The following RAD17 variants were observed in gnomAD, a reference collection of about 807,000 sequenced individuals.
RAD17 encodes RAD17 checkpoint clamp loader component.
A neutral mutation model predicts 81.5 loss-of-function variants in RAD17; 31 were observed. The observed-to-expected ratio is 0.38, with a 90% CI of 0.29 to 0.51. The LOEUF is 0.51. RAD17 is among the 20% of genes least tolerant of loss of function. The pLI, the probability that RAD17 is intolerant of heterozygous loss-of-function variation, is 0.88. For synonymous variants in RAD17, 261 were observed against 266.2 expected (o/e 0.98, Z 0.19); for missense variants, 681 against 781.2 (o/e 0.87, Z 1.53).
rs1561233546 is a variant in RAD17, at chr5:69,373,817, C to T, written c.10-13C>T. ...AAATGTGATTATATTTACATGATTT[C>T]TTTTTTTTTCAGGTAACAGACTGGG... On this transcript the variant is annotated splice_polypyrimidine_tract_variant and intron_variant, in intron 4 of 18. Transcript: ENST00000354868. 6.7e-7 allele frequency: 1 copy of T among 1,485,912 alleles called. No homozygotes were observed. 92.0% of individuals were successfully genotyped at this position (1,485,912 alleles called of 1,614,324 possible). A position where few individuals can be genotyped will look rare whatever the true frequency, so the allele number is the denominator to read the frequency against.
chr5:69,410,406 G>A, intron 17 of RAD17, 87 bp from the exon 18 acceptor site: 1 of 975,476 alleles, frequency 1.0e-6, no homozygotes, highest in South Asian at 1.4e-5. Context: ...AAAGATTAGT[G>A]ATGTTCAGCA....
rs769241369 is a variant in RAD17 at position 69,384,898 on chromosome 5, G to A, written c.610G>A (p.Asp204Asn). ...KYNKLQMLGD[D>N]LRTDKKIILV... ...TAACAAGTTACAAATGCTTGGAGAT[G>A]ATCTGAGAACTGATAAGAAGATAAT... Residue 204 changes from aspartate (D) to asparagine (N), a missense_variant, in exon 8 of 19, where the codon GAT becomes AAT. Physicochemically the swap from Asp to Asn is conservative, Grantham distance 23. Coordinates refer to ENST00000354868, the MANE Select transcript of RAD17 (RefSeq NM_133338.3). The A allele has an allele frequency of 9.3e-6, 15 of 1,607,732 alleles. No individual in the cohort carries two copies. The highest frequency in any genetic ancestry group is 1.7e-5 in the Admixed American group (1 of 59,740).
chr5:69,402,437 G>A (rs539044945), intron 17 of RAD17, among the ~76,000 whole-genome samples: 15 of 152,066 alleles, frequency 9.9e-5, no homozygotes, highest in Non-Finnish European at 1.6e-4. Context: ...AGGCCGAGGC[G>A]GGCGGATCAC....
Position 69,398,707 on chromosome 5 carries a change from G to A in RAD17, c.1573-1342G>A, listed in dbSNP as rs17230137. On this transcript the variant is annotated intron_variant, in intron 16 of 18. Transcript: ENST00000354868. The stretch of plus-strand genomic sequence containing the variant: ...TGTAATCCCAGCTACTCAGGAGGCC[G>A]AAGCAGGAGAATCGCGTGAACCCGG... 2.8e-3 allele frequency among the ~76,000 whole-genome samples: 423 copies of A among 151,742 alleles called. 13 individuals are homozygous for A. The East Asian group carries it at 0.065, about 23-fold the overall frequency.
At chr5:69,413,865 T>C (rs1038077797) in intron 18 of RAD17, among the ~76,000 whole-genome samples, 166 bp from the exon 19 acceptor site, 2 of 152,254 alleles carry the variant, frequency 1.3e-5, no homozygotes, top group Non-Finnish European at 2.9e-5. Context: ...TAGGAACTTA[T>C]TCAGTTTGTC....
At chr5:69,384,542 C>T (rs1764056799) in intron 7 of RAD17, among the ~76,000 whole-genome samples, 1 of 152,166 alleles carries the variant, frequency 6.6e-6, no homozygotes, top group African/African-American at 2.4e-5. Context: ...TCTTGAATTC[C>T]TGAGGTCAAG....
At chr5:69,389,233 C>T (rs146971704) in intron 12 of RAD17, 88 bp downstream of exon 12, 3 of 801,582 alleles carry the variant, frequency 3.7e-6, no homozygotes, top group South Asian at 2.3e-5. Flanking sequence ...TTTTAACTTA[C>T]ATTTGGTCTA....
rs142095225 is a variant in RAD17 at position 69,400,208 on chromosome 5, G to GTGTATTTA, written c.1693+40_1693+41insGTATTTAT. The GTGTATTTA allele has an allele frequency of 8.1e-5, 83 of 1,024,438 alleles. No individual in the cohort carries two copies. In the African/African-American group the frequency reaches 1.2e-3, roughly 15 times the overall value. The allele number at this position is 1,024,438 out of a possible 1,614,324, so 63.5% of individuals were successfully genotyped here. On this transcript the variant is annotated intron_variant, in intron 17 of 18. Coordinates refer to ENST00000354868, the MANE Select transcript of RAD17 (RefSeq NM_133338.3). ...TTTTTCTTTTCTTTTAAGAAGTAGGGTTTATTTATTTATTTATTTATTTTA... is the reference window on the plus strand; with the variant it reads ...TTTTTCTTTTCTTTTAAGAAGTAGGGTGTATTTATTTATTTATTTATTTATTTATTTTA...
intron 6 of RAD17, among the ~76,000 whole-genome samples, chr5:69,375,267 C>T (rs1385875807): frequency 1.3e-5 from 2 of 152,230 alleles, no homozygotes; most frequent in African/African-American, 2.4e-5. Context: ...AATCAGTAAA[C>T]CAATTAGGGT....
Position 69,389,102 on chromosome 5 carries a change from T to C in RAD17, c.963T>C (p.Asp321=). Residue 321 remains aspartate, a synonymous_variant, in exon 12 of 19, where the codon GAT becomes GAC. Coordinates refer to ENST00000354868, the MANE Select transcript of RAD17 (RefSeq NM_133338.3). ...LELLCQGCSG[D]IRSAINSLQF... ...TGCTCTGTCAGGGATGTTCTGGTGA[T>C]ATCAGAAGTGCAATAAACAGCCTCC... is the stretch of plus-strand genomic sequence containing the variant. The C allele has an allele frequency of 1.3e-6, 2 of 1,590,260 alleles. No individual in the cohort carries two copies. The highest frequency in any genetic ancestry group is 1.7e-6 in the Non-Finnish European group (2 of 1,167,872).
intron 11 of RAD17, among the ~76,000 whole-genome samples, chr5:69,388,655 G>A (rs1764361571): frequency 6.6e-6 from 1 of 151,880 alleles, no homozygotes; most frequent in Non-Finnish European, 1.5e-5. Context: ...TGCCCAGGCT[G>A]GAGTGCAGTG....
intron 6 of RAD17, among the ~76,000 whole-genome samples, chr5:69,377,943 C>T (rs886129062): frequency 3.3e-5 from 5 of 151,626 alleles, no homozygotes; most frequent in African/African-American, 1.2e-4. Flanking sequence ...CAAGTGTGTG[C>T]CACCGCATCT....
chr5:69,389,769 TA>T (rs1764432087), intron 12 of RAD17, among the ~76,000 whole-genome samples: 1 of 152,154 alleles, frequency 6.6e-6, no homozygotes. Flanking sequence ...GCCTTCTGAG[TA>T]GCTGGGACTA....
upstream of RAD17, chr5:69,369,348 C>A: frequency 8.3e-7 from 1 of 1,210,132 alleles, no homozygotes; most frequent in African/African-American, 1.6e-5. Context: ...CCTCGTGGCC[C>A]TCGGCCGGCC....
chr5:69,401,953 G>A (rs913762591), intron 17 of RAD17, among the ~76,000 whole-genome samples: 3 of 130,706 alleles, frequency 2.3e-5, no homozygotes, highest in Admixed American at 8.7e-5. Context: ...GCAGTGAGCC[G>A]AGATTGCACC....
At chr5:69,404,897 G>A (rs377633101) in intron 17 of RAD17, among the ~76,000 whole-genome samples, 2 of 152,098 alleles carry the variant, frequency 1.3e-5, no homozygotes, top group African/African-American at 2.4e-5. Flanking sequence ...CCGAGATCAC[G>A]CTGCTACATT....
chr5:69,392,503 A>G (rs1048258207), intron 13 of RAD17, among the ~76,000 whole-genome samples: 4 of 151,996 alleles, frequency 2.6e-5, no homozygotes, highest in Admixed American at 6.6e-5. Flanking sequence ...TTCACTCCCT[A>G]TTGCCCATTT....
At chr5:69,375,647 A>G (rs1286565906) in intron 6 of RAD17, among the ~76,000 whole-genome samples, 2 of 151,974 alleles carry the variant, frequency 1.3e-5, no homozygotes, top group Non-Finnish European at 2.9e-5. Flanking sequence ...TAAAAAAATG[A>G]TTTTCCTAAT....
At chr5:69,408,191 A>ATT (rs892101232) in intron 17 of RAD17, among the ~76,000 whole-genome samples, 1 of 151,908 alleles carries the variant, frequency 6.6e-6, no homozygotes, top group African/African-American at 2.4e-5. Context: ...TACAGTCATA[A>ATT]TTTTTTGTTG....
Sources: gnomAD v4.1 joint callset for allele counts (sites outside exome capture counted in the v4.1 genomes callset) on GRCh38, gnomAD v4.1.1 for gene constraint, MANE v1.5 for transcripts, NCBI Gene and HGNC (gene_info 2026-07-23, HGNC 2026-07-21) for gene names.